Variants in SLC30A10 observed in about 807,000 individuals in gnomAD.
SLC30A10 encodes solute carrier family 30 member 10.
A neutral mutation model predicts 21.7 loss-of-function variants in SLC30A10; 8 were observed. That is an observed-to-expected ratio of 0.37 (90% CI 0.22 to 0.67). The LOEUF (loss-of-function observed/expected upper bound fraction) is 0.67. Among genes scored for constraint, SLC30A10 ranks in the 30% least tolerant of loss-of-function variants. The pLI is 0.58. For synonymous variants in SLC30A10, 272 were observed against 279.4 expected, an observed-to-expected ratio of 0.97 and a Z score of 0.26; for missense variants, 521 against 642.5, an observed-to-expected ratio of 0.81 and a Z score of 2.04.
Position 219,918,713 on chromosome 1 carries a change from C to A in SLC30A10, c.719-219G>T. On this transcript the variant is annotated intron_variant, in intron 2 of 3. Transcript: ENST00000366926. The surrounding 1 kb of genome is among the most constrained non-coding windows in gnomAD (Gnocchi z 4.4). ...CAGGACTCAGAGTACCTTGGAAGAG[C>A]AACAGCCTAGGAAGATTCTGACCTG... The A allele has an allele frequency of 4.3e-6, 2 of 470,068 alleles. No individual in the cohort carries two copies. Among genetic ancestry groups the A allele is most frequent in the Non-Finnish European group, 7.3e-6 (2 of 275,488 alleles). 29.1% of individuals were successfully genotyped at this position (470,068 alleles called of 1,614,324 possible).
At position 219,928,293 on chromosome 1, in the gene SLC30A10, A is replaced by C; in HGVS notation, c.148T>G (p.Ser50Ala). The change falls in exon 1 of 4, where the codon TCG (serine) becomes GCG (alanine). Residue 50 changes from serine (S) to alanine (A), a missense_variant. Coordinates refer to ENST00000366926, the MANE Select transcript of SLC30A10 (RefSeq NM_018713.3). This position sits in a 1 kb window ranked among gnomAD's most constrained non-coding sequence, Gnocchi z 6.3. Reference protein sequence around the residue: ...DSFNMLSDLISLCVGLSAGYI... With the variant: ...DSFNMLSDLIALCVGLSAGYI... ...CCGGCGCTCAGGCCCACGCACAGCG[A>C]GATCAGGTCGGAGAGCATGTTGAAG... The C allele has an allele frequency of 6.2e-7, 1 of 1,607,258 alleles. No homozygotes were observed. The highest frequency in any genetic ancestry group is 8.5e-7 in the Non-Finnish European group (1 of 1,177,768).
At chr1:219,934,246 C>T (rs769257074) in intron 1 of SLC30A10, among the ~76,000 whole-genome samples, 2 of 151,868 alleles carry the variant, frequency 1.3e-5, no homozygotes, top group Non-Finnish European at 2.9e-5. Context: ...CGAGATCGTG[C>T]CACTGCACTC....
At chr1:219,916,982 T>C (rs1179217068) in intron 3 of SLC30A10, among the ~76,000 whole-genome samples, 9 of 150,030 alleles carry the variant, frequency 6.0e-5, no homozygotes, top group Admixed American at 3.3e-4. Flanking sequence ...TTTTTTTTTT[T>C]TTTTTAGAGA....
At chr1:219,939,520 C>T (rs374077893) in intron 1 of SLC30A10, among the ~76,000 whole-genome samples, 4 of 152,140 alleles carry the variant, frequency 2.6e-5, no homozygotes, top group African/African-American at 4.8e-5. Context: ...CCTCCACCCC[C>T]CCAGGTTCAA....
chr1:219,958,951 A>C (rs1571818029), upstream of SLC30A10, among the ~76,000 whole-genome samples: 1 of 152,306 alleles, frequency 6.6e-6, no homozygotes, highest in Non-Finnish European at 1.5e-5. Flanking sequence ...TAGTTCCATC[A>C]CAAAGAGGAG....
chr1:219,936,559 G>A (rs1011863902), intron 1 of SLC30A10, among the ~76,000 whole-genome samples: 1 of 152,084 alleles, frequency 6.6e-6, no homozygotes, highest in South Asian at 2.1e-4. Context: ...TCAAGAGATG[G>A]GCACTTGACC....
intron 1 of SLC30A10, 117 bp downstream of exon 1, chr1:219,927,684 A>ACAAC (rs1456929731): frequency 1.1e-5 from 9 of 845,652 alleles, no homozygotes; most frequent in African/African-American, 2.1e-5. Flanking sequence ...ACAACAAAAA[A>ACAAC]AAAAAAACAG....
In SLC30A10 at chr1:219,913,341, C is replaced by A. The variant is rs913043922; in HGVS notation, c.*2108G>T. ...CAGTGGAATTAAGTGCCTTTTCTTA[C>A]CCAGAAAAATATTTTAGAGATTAAA... On this transcript the variant is annotated 3_prime_UTR_variant, in exon 4 of 4. Coordinates refer to ENST00000366926, the MANE Select transcript of SLC30A10 (RefSeq NM_018713.3). Among the ~76,000 whole-genome samples the A allele has an allele frequency of 1.3e-5, 2 of 152,288 alleles. No homozygotes were observed. The highest frequency in any genetic ancestry group is 6.5e-5 in the Admixed American group (1 of 15,308).
intron 2 of SLC30A10, among the ~76,000 whole-genome samples, chr1:219,926,171 T>C (rs915604700): frequency 6.6e-6 from 1 of 152,218 alleles, no homozygotes; most frequent in South Asian, 2.1e-4. Context: ...AGGTTCACTC[T>C]GAGAATTCCT....
Position 219,910,783 on chromosome 1 carries a change from G to A in SLC30A10, c.*4666C>T, listed in dbSNP as rs1659392495. Among the ~76,000 whole-genome samples, 1 of 152,158 alleles carries A rather than the reference G, an allele frequency of 6.6e-6. No individual in the cohort carries two copies. The highest frequency in any genetic ancestry group is 1.5e-5 in the Non-Finnish European group (1 of 68,036). On this transcript the variant is annotated 3_prime_UTR_variant, in exon 4 of 4. Transcript: ENST00000366926. The stretch of plus-strand genomic sequence containing the variant: ...GTCTGGCATGGCTTTGTACTAAGAG[G>A]TGACAGTTGATCATCTAGCAAACAT...
chr1:219,950,283 G>A (rs72740988), intron 1 of SLC30A10, among the ~76,000 whole-genome samples: 24,278 of 152,132 alleles, frequency 0.16, 2,374 homozygotes, highest in South Asian at 0.23. Flanking sequence ...TACAAGTAAT[G>A]GCCTGCTACA....
chr1:219,922,904 C>A (rs1659730829), intron 2 of SLC30A10, among the ~76,000 whole-genome samples: 1 of 152,168 alleles, frequency 6.6e-6, no homozygotes, highest in Non-Finnish European at 1.5e-5. Context: ...TGCCCAAGGT[C>A]ACCTAGCTAG....
intron 1 of SLC30A10, among the ~76,000 whole-genome samples, chr1:219,956,496 A>G (rs988894743): frequency 2.5e-5 from 3 of 122,310 alleles, no homozygotes; most frequent in Non-Finnish European, 5.7e-5. Flanking sequence ...CAAGCTAGAT[A>G]CTCTAGAATT....
chr1:219,928,604 G>A (rs753775547), upstream of SLC30A10: 2 of 567,142 alleles, frequency 3.5e-6, no homozygotes, highest in Non-Finnish European at 5.8e-6. The surrounding 1 kb of genome is among the most constrained non-coding windows in gnomAD (Gnocchi z 6.3). Context: ...GAGGCCGAGC[G>A]CCACCAGTCC....
At chr1:219,922,304 G>A (rs1321750171) in intron 2 of SLC30A10, among the ~76,000 whole-genome samples, 1 of 142,484 alleles carries the variant, frequency 7.0e-6, no homozygotes. Context: ...TCTTGCCTCA[G>A]CCTCTCAAAA....
chr1:219,942,003 C>T (rs1232598797), intron 1 of SLC30A10, among the ~76,000 whole-genome samples: 1 of 152,194 alleles, frequency 6.6e-6, no homozygotes, highest in Non-Finnish European at 1.5e-5. Flanking sequence ...AGGCAAAAAC[C>T]AAGAAGACTT....
At chr1:219,958,970 C>G (rs551092257), upstream of SLC30A10, among the ~76,000 whole-genome samples, 3 of 152,182 alleles carry the variant, frequency 2.0e-5, no homozygotes, top group Non-Finnish European at 4.4e-5. Flanking sequence ...AGGATGCTAA[C>G]GACGCACATG....
Position 219,925,632 on chromosome 1 carries a change from C to CATATATATATATATATATAT in SLC30A10, c.718+1376_718+1395dup, listed in dbSNP as rs1164535981. Among the ~76,000 whole-genome samples the CATATATATATATATATATAT allele has an allele frequency of 2.0e-3, 140 of 68,850 alleles. 6 individuals carry two copies. Among genetic ancestry groups the CATATATATATATATATATAT allele is most frequent in the Middle Eastern group, 0.022 (2 of 92 alleles). 45.2% of individuals were successfully genotyped at this position (68,850 alleles called of 152,430 possible). A position where few individuals can be genotyped will look rare whatever the true frequency, so the allele number is the denominator to read the frequency against. On this transcript the variant is annotated intron_variant, in intron 2 of 3. Transcript: ENST00000366926. ...CTTAAAATTTATGTGTGTGTGTGTA[C>CATATATATATATATATATAT]ATATATATATATATATATATTTTTT...
chr1:219,918,658 CT>C lies in SLC30A10; in HGVS notation c.719-165del. The C allele has an allele frequency of 2.5e-6, 2 of 784,696 alleles. No homozygotes were observed. The highest frequency in any genetic ancestry group is 3.8e-6 in the Non-Finnish European group (2 of 530,298). The allele number at this position is 784,696 out of a possible 1,614,324, so 48.6% of individuals were successfully genotyped here. A position where few individuals can be genotyped will look rare whatever the true frequency, so the allele number is the denominator to read the frequency against. On this transcript the variant is annotated intron_variant, in intron 2 of 3. Transcript: ENST00000366926. The surrounding 1 kb of genome is among the most constrained non-coding windows in gnomAD (Gnocchi z 4.4). ...TGAATCAAAATAATGGCAACTACTT[CT>C]TAGGAAACAAAACCCCAGGCCACCA...
Sources: allele counts gnomAD v4.1 joint callset (sites outside exome capture counted in the v4.1 genomes callset), GRCh38; gene constraint gnomAD v4.1.1; non-coding constraint Gnocchi (gnomAD v3.1); transcripts MANE v1.5; gene names NCBI Gene and HGNC (gene_info 2026-07-23, HGNC 2026-07-21).